The following ZCCHC4 variants were observed in gnomAD, a reference collection of about 807,000 sequenced individuals.
ZCCHC4 encodes rRNA N(6)-adenosine-methyltransferase ZCCHC4.
A neutral mutation model predicts 67.7 loss-of-function variants in ZCCHC4; 54 were observed. The ratio of observed to expected loss-of-function variants is 0.80; its 90% CI spans 0.64 to 1.00. The LOEUF is 1.00. Ranked by LOEUF, ZCCHC4 falls within the 50% of genes least tolerant of loss-of-function variation. The pLI, the probability that ZCCHC4 is intolerant of heterozygous loss-of-function variation, is 0.00. For synonymous variants in ZCCHC4, 198 were observed against 213.5 expected (o/e 0.93, Z 0.63); for missense variants, 609 against 617.0 (o/e 0.99, Z 0.14).
At chr4:25,326,410 G>A (rs1367986562) in intron 3 of ZCCHC4, among the ~76,000 whole-genome samples, 2 of 152,240 alleles carry the variant, frequency 1.3e-5, no homozygotes, top group Non-Finnish European at 1.5e-5. Context: ...GGTCCTATAT[G>A]TGTATTCACA....
intron 3 of ZCCHC4, among the ~76,000 whole-genome samples, chr4:25,318,644 C>T (rs1360928080): frequency 6.6e-6 from 1 of 151,774 alleles, no homozygotes; most frequent in Non-Finnish European, 1.5e-5. Flanking sequence ...CGTGAGCCAC[C>T]ATGCCAGGCC....
At position 25,361,917 on chromosome 4, in the gene ZCCHC4, C is replaced by G. The variant is rs781782273; in HGVS notation, c.1070C>G (p.Pro357Arg). Reference sequence around the variant, plus strand: ...GGAAAGACAGGTCGAAAACAGTCTCCCGTGCGTATTTTCACCAACATTCCG... The same window carrying G: ...GGAAAGACAGGTCGAAAACAGTCTCGCGTGCGTATTTTCACCAACATTCCG... ...KHGKTGRKQS[P>R]VRIFTNIPPN... The change falls in exon 9 of 13, where the codon CCC (proline) becomes CGC (arginine). Residue 357 changes from proline (P) to arginine (R), a missense_variant. Coordinates refer to ENST00000302874, the MANE Select transcript of ZCCHC4 (RefSeq NM_024936.3). The G allele has an allele frequency of 6.2e-7, 1 of 1,613,724 alleles. No individual in the cohort carries two copies. The highest frequency in any genetic ancestry group is 1.7e-5 in the Admixed American group (1 of 59,984).
chr4:25,344,966 C>T (rs1719936019), intron 5 of ZCCHC4, among the ~76,000 whole-genome samples: 1 of 152,022 alleles, frequency 6.6e-6, no homozygotes, highest in Non-Finnish European at 1.5e-5. Flanking sequence ...CCACGCCTGG[C>T]TAATTTTTGT....
chr4:25,320,523 G>T (rs1244274815), intron 3 of ZCCHC4, among the ~76,000 whole-genome samples: 1 of 152,186 alleles, frequency 6.6e-6, no homozygotes, highest in Non-Finnish European at 1.5e-5. Flanking sequence ...TGTGAATCAT[G>T]CTGAGCCATG....
At chr4:25,349,775 T>C (rs1720201297) in intron 7 of ZCCHC4, 133 bp downstream of exon 7, 1 of 920,624 alleles carries the variant, frequency 1.1e-6, no homozygotes, top group Non-Finnish European at 1.6e-6. Flanking sequence ...AACAGGCTTA[T>C]TTGATGTTGC....
chr4:25,332,861 A>C (rs1577737013), intron 3 of ZCCHC4, among the ~76,000 whole-genome samples: 1 of 152,234 alleles, frequency 6.6e-6, no homozygotes. Context: ...CAATAAATTT[A>C]AACTTGATAG....
At chr4:25,347,977 A>G (rs141908712) in intron 6 of ZCCHC4, among the ~76,000 whole-genome samples, 534 of 152,274 alleles carry the variant, frequency 3.5e-3, no homozygotes, top group Non-Finnish European at 4.8e-3. Context: ...GTGTTTGGCT[A>G]TGATGCCATT....
intron 3 of ZCCHC4, among the ~76,000 whole-genome samples, chr4:25,329,032 CA>C (rs746969391): frequency 1.3e-5 from 2 of 151,696 alleles, no homozygotes; most frequent in Non-Finnish European, 2.9e-5. Context: ...ACAAAAAATA[CA>C]AAAATTAGCC....
intron 12 of ZCCHC4, chr4:25,365,493 T>A (rs962259309): frequency 7.3e-5 from 76 of 1,039,358 alleles, no homozygotes; most frequent in East Asian, 3.3e-4. Context: ...GGACATGATA[T>A]TTACGTCAGG....
rs892333711 is a variant in ZCCHC4 at position 25,345,586 on chromosome 4, A to G, written c.725A>G (p.Tyr242Cys). ...QFYMEDSFCHYNMFNHHFFDG... is the reference protein window; with the variant it reads ...QFYMEDSFCHCNMFNHHFFDG... ...TATATGGAAGATAGCTTTTGCCATT[A>G]TAATATGTTTAACCATCATTTCTTT... Residue 242 changes from tyrosine to cysteine, a missense_variant, in exon 6 of 13, where the codon TAT (tyrosine) becomes TGT (cysteine). Coordinates refer to ENST00000302874, the MANE Select transcript of ZCCHC4 (RefSeq NM_024936.3). 5.1e-6 allele frequency: 8 copies of G among 1,569,548 alleles called. No homozygotes were observed. In the African/African-American group the frequency reaches 9.5e-5, roughly 19 times the overall value.
At chr4:25,344,440 C>T (rs1471857811) in intron 5 of ZCCHC4, among the ~76,000 whole-genome samples, 4 of 122,932 alleles carry the variant, frequency 3.3e-5, no homozygotes, top group Non-Finnish European at 6.4e-5. Context: ...GGAAGGGGAA[C>T]ATCACACTCT....
intron 5 of ZCCHC4, among the ~76,000 whole-genome samples, chr4:25,343,511 A>G (rs1719850776): frequency 1.3e-5 from 2 of 152,244 alleles, no homozygotes; most frequent in African/African-American, 4.8e-5. Context: ...AGTATATGCT[A>G]TGTAGCTGGC....
In ZCCHC4 at chr4:25,349,497, C is replaced by A; in HGVS notation, c.765C>A (p.Ala255=). The A allele has an allele frequency of 6.2e-7, 1 of 1,613,626 alleles. No individual in the cohort carries two copies. Among genetic ancestry groups the A allele is most frequent in the Non-Finnish European group, 8.5e-7 (1 of 1,179,746 alleles). Residue 255 remains alanine, a synonymous_variant, in exon 7 of 13, where the codon GCC becomes GCA. Transcript: ENST00000302874. The part of the protein sequence containing the change: ...FNHHFFDGKT[A]LEVCRAFLQE... Reference sequence around the variant, plus strand: ...TGAATTTTTATTTGTTCCAGACTGCCCTTGAAGTATGCAGAGCATTTTTAC... The same window carrying A: ...TGAATTTTTATTTGTTCCAGACTGCACTTGAAGTATGCAGAGCATTTTTAC...
intron 3 of ZCCHC4, among the ~76,000 whole-genome samples, chr4:25,316,466 C>T (rs1037939138): frequency 6.6e-6 from 1 of 152,252 alleles, no homozygotes; most frequent in African/African-American, 2.4e-5. Flanking sequence ...TTCTCCGCAT[C>T]CTTGCCAACA....
intron 5 of ZCCHC4, among the ~76,000 whole-genome samples, chr4:25,335,554 G>T (rs1719416629): frequency 1.3e-5 from 2 of 152,126 alleles, no homozygotes; most frequent in South Asian, 4.1e-4. Flanking sequence ...TGAGTCAGGA[G>T]TTCAAAACCA....
At position 25,358,686 on chromosome 4, in the gene ZCCHC4, G is replaced by T. The variant is rs564410403; in HGVS notation, c.1012-3173G>T. 1.7e-3 allele frequency among the ~76,000 whole-genome samples: 265 copies of T among 152,362 alleles called. 2 individuals carry two copies. Among genetic ancestry groups the T allele is most frequent in the Admixed American group, 4.2e-3 (65 of 15,310 alleles). ...AGGCCAAGGCAGCTTTCCAGCCGCAGCATGACTCAGCGGGTTTGGAGCACA... is the reference window on the plus strand; with the variant it reads ...AGGCCAAGGCAGCTTTCCAGCCGCATCATGACTCAGCGGGTTTGGAGCACA... On this transcript the variant is annotated intron_variant, in intron 8 of 12. Coordinates refer to ENST00000302874, the MANE Select transcript of ZCCHC4 (RefSeq NM_024936.3).
chr4:25,315,381 C>A lies in ZCCHC4; in HGVS notation c.310C>A (p.Arg104=), dbSNP rs201478693. The change falls in exon 3 of 13, where the codon CGA becomes AGA. Residue 104 remains arginine, a synonymous_variant. Transcript: ENST00000302874. ...HNRRCQPPLS[R]TQCVERYLKF... ...CCGAAGATGTCAGCCTCCCCTGTCC[C>A]GAACGCAGTGTGTGGAAAGGTACTG... 2.3e-5 allele frequency: 37 copies of A among 1,612,472 alleles called. No homozygotes were observed. The African/African-American group carries it at 4.8e-4, about 21-fold the overall frequency.
At chr4:25,324,014 G>GGTTTTTTTTTTTTTTTTTTTT (rs777768505) in intron 3 of ZCCHC4, among the ~76,000 whole-genome samples, 6 of 82,448 alleles carry the variant, frequency 7.3e-5, no homozygotes, top group East Asian at 3.5e-4. Context: ...TGTTTTTTGT[G>GGTTTTTTTTTTTTTTTTTTTT]TTTTTTTTTT....
At position 25,359,960 on chromosome 4, in the gene ZCCHC4, A is replaced by C. The variant is rs1720659146; in HGVS notation, c.1012-1899A>C. On this transcript the variant is annotated intron_variant, in intron 8 of 12. Transcript: ENST00000302874. This position sits in a 1 kb window ranked among gnomAD's most constrained non-coding sequence, Gnocchi z 4.9. ...TGCTGGTAGACACCAGCGCAGATAC[A>C]TTCTGGGGTTGGATATTTTACATGA... Among the ~76,000 whole-genome samples the C allele has an allele frequency of 6.6e-6, 1 of 152,244 alleles. No homozygotes were observed. Among genetic ancestry groups the C allele is most frequent in the East Asian group, 1.9e-4 (1 of 5,200 alleles).
Sources: allele counts gnomAD v4.1 joint callset (sites outside exome capture counted in the v4.1 genomes callset), GRCh38; gene constraint gnomAD v4.1.1; non-coding constraint Gnocchi (gnomAD v3.1); transcripts MANE v1.5; gene names NCBI Gene and HGNC (gene_info 2026-07-23, HGNC 2026-07-21).